ARHGAP10: variants seen among roughly 807,000 people sequenced by gnomAD.
ARHGAP10 encodes the protein rho GTPase-activating protein 10.
In ARHGAP10, 87 loss-of-function variants were observed where a neutral mutation model predicts 108.6. That is an observed-to-expected ratio of 0.80 (90% CI 0.67 to 0.96). The LOEUF is 0.96. Among genes scored for constraint, ARHGAP10 ranks in the 40% least tolerant of loss-of-function variants. The pLI is 0.00. For missense variants in ARHGAP10, 939 were observed against 954.5 expected, an observed-to-expected ratio of 0.98 and a Z score of 0.21; for synonymous variants, 347 against 341.1, an observed-to-expected ratio of 1.02 and a Z score of -0.19.
At chr4:147,822,145 G>A (rs1732525278) in intron 1 of ARHGAP10, among the ~76,000 whole-genome samples, 1 of 152,186 alleles carries the variant, frequency 6.6e-6, no homozygotes, top group Admixed American at 6.5e-5. Context: ...TAGGTCTTTT[G>A]CAGAATTAAT....
intron 1 of ARHGAP10, among the ~76,000 whole-genome samples, chr4:147,748,960 TAAA>T (rs1225751872): frequency 6.7e-6 from 1 of 148,536 alleles, no homozygotes; most frequent in Non-Finnish European, 1.5e-5. Flanking sequence ...CCCTGTGTCT[TAAA>T]AAAAGAAAGC....
chr4:147,828,161 G>A (rs1006064256), intron 3 of ARHGAP10, among the ~76,000 whole-genome samples: 78 of 152,232 alleles, frequency 5.1e-4, no homozygotes, highest in African/African-American at 1.7e-3. Flanking sequence ...TTGAATAATG[G>A]TGCAGCATAA....
chr4:147,810,789 G>A (rs1042775691), intron 1 of ARHGAP10, among the ~76,000 whole-genome samples: 5 of 152,182 alleles, frequency 3.3e-5, no homozygotes, highest in African/African-American at 9.7e-5. Flanking sequence ...CCACAGGGTT[G>A]GGTTCTTGCA....
At chr4:147,818,155 CTTCT>C (rs527671140) in intron 1 of ARHGAP10, among the ~76,000 whole-genome samples, 396 of 149,876 alleles carry the variant, frequency 2.6e-3, no homozygotes, top group Non-Finnish European at 4.1e-3. Flanking sequence ...TTTTTTTCTT[CTTCT>C]TTTTCTTTTT....
chr4:147,777,463 GTGTTA>G (rs1259544187), intron 1 of ARHGAP10, among the ~76,000 whole-genome samples: 1 of 152,014 alleles, frequency 6.6e-6, no homozygotes, highest in African/African-American at 2.4e-5. Flanking sequence ...GGGTTTCACT[GTGTTA>G]GCCAGGATGG....
At chr4:148,013,167 C>T (rs898941851) in intron 18 of ARHGAP10, among the ~76,000 whole-genome samples, 21 of 152,182 alleles carry the variant, frequency 1.4e-4, no homozygotes, top group Admixed American at 3.3e-4. Context: ...CCATTGACCA[C>T]TTTCAAAACA....
At chr4:147,879,588 A>C (rs1383200867) in intron 9 of ARHGAP10, among the ~76,000 whole-genome samples, 2 of 151,994 alleles carry the variant, frequency 1.3e-5, no homozygotes, top group Admixed American at 1.3e-4. Flanking sequence ...ATACATGTGC[A>C]CAACGTGCAG....
intron 12 of ARHGAP10, among the ~76,000 whole-genome samples, chr4:147,910,640 G>C (rs10014593): frequency 4.6e-5 from 7 of 151,724 alleles, no homozygotes; most frequent in African/African-American, 1.7e-4. Context: ...TGCTGTACTT[G>C]AAGAAAATGA....
At chr4:147,742,476 C>CTTT (rs11420720) in intron 1 of ARHGAP10, among the ~76,000 whole-genome samples, 1,864 of 86,454 alleles carry the variant, frequency 0.022, 47 homozygotes, top group Non-Finnish European at 0.024. Context: ...TCTGTGAACA[C>CTTT]TTTTTTTTTT....
intron 8 of ARHGAP10, among the ~76,000 whole-genome samples, chr4:147,876,333 T>C (rs985561947): frequency 3.9e-5 from 6 of 152,088 alleles, no homozygotes; most frequent in Non-Finnish European, 8.8e-5. Flanking sequence ...TGGCTCACAC[T>C]TGTAATCCCA....
At chr4:147,811,589 T>A (rs552478248) in intron 1 of ARHGAP10, among the ~76,000 whole-genome samples, 103 of 146,972 alleles carry the variant, frequency 7.0e-4, no homozygotes, top group African/African-American at 2.5e-3. Context: ...ATGGCTTTTT[T>A]TAAAAAAAAA....
intron 15 of ARHGAP10, among the ~76,000 whole-genome samples, chr4:147,951,779 C>T (rs894992373): frequency 1.8e-4 from 28 of 152,024 alleles, no homozygotes; most frequent in Non-Finnish European, 1.8e-4. Flanking sequence ...TTAAAGACAG[C>T]TTTATTGAAA....
chr4:147,912,025 GTGTGTGTGTGTGTGTA>G (rs1579191856), intron 12 of ARHGAP10, among the ~76,000 whole-genome samples: 1 of 149,406 alleles, frequency 6.7e-6, no homozygotes, highest in Non-Finnish European at 1.5e-5. Flanking sequence ...GTGTGTGTGT[GTGTGTGTGTGTGTGTA>G]TAGTTTTCTT....
intron 15 of ARHGAP10, among the ~76,000 whole-genome samples, chr4:147,952,296 A>T (rs906367623): frequency 1.3e-5 from 2 of 152,194 alleles, no homozygotes; most frequent in Admixed American, 1.3e-4. Flanking sequence ...TATTTAGATC[A>T]TGTGGTAATT....
chr4:147,854,613 A>T, intron 4 of ARHGAP10: 1 of 802,150 alleles, frequency 1.2e-6, no homozygotes, highest in Non-Finnish European at 1.5e-6. Flanking sequence ...GGGGGAAAAA[A>T]AAAGCTCCAT....
intron 1 of ARHGAP10, among the ~76,000 whole-genome samples, chr4:147,783,907 AAC>A (rs200095874): frequency 2.7e-5 from 3 of 112,708 alleles, no homozygotes; most frequent in African/African-American, 1.4e-4. Flanking sequence ...ATATTTATAT[AAC>A]ACACATTAAA....
intron 1 of ARHGAP10, among the ~76,000 whole-genome samples, chr4:147,798,344 T>C (rs1560764242): frequency 6.6e-6 from 1 of 152,214 alleles, no homozygotes. Context: ...TTTATATGTT[T>C]CATCCCTCCT....
chr4:147,933,715 T>C (rs1211540619), intron 13 of ARHGAP10, among the ~76,000 whole-genome samples: 7 of 152,182 alleles, frequency 4.6e-5, no homozygotes, highest in African/African-American at 1.7e-4. Flanking sequence ...AAGACTGTTC[T>C]AGTGGCCCAG....
chr4:147,967,939 C>T (rs529309776), intron 18 of ARHGAP10, among the ~76,000 whole-genome samples: 5 of 152,306 alleles, frequency 3.3e-5, no homozygotes, highest in African/African-American at 1.2e-4. Context: ...GAGGAAACGT[C>T]TCTTCTTTAT....
Sources: gnomAD v4.1 joint callset for allele counts (sites outside exome capture counted in the v4.1 genomes callset) on GRCh38, gnomAD v4.1.1 for gene constraint, MANE v1.5 for transcripts, NCBI Gene and HGNC (gene_info 2026-07-23, HGNC 2026-07-21) for gene names.